TSNARE1: variants seen among roughly 807,000 people sequenced by gnomAD.
TSNARE1 encodes the protein t-SNARE domain containing 1.
In TSNARE1, 49 loss-of-function variants were observed where a neutral mutation model predicts 62.0. The ratio of observed to expected loss-of-function variants is 0.79; its 90% confidence interval spans 0.63 to 1.00. The LOEUF is 1.00. Ranked by LOEUF, TSNARE1 falls within the 50% of genes least tolerant of loss-of-function variation. TSNARE1 has a pLI of 0.00. For missense variants in TSNARE1, 755 were observed against 700.1 expected, an observed-to-expected ratio of 1.08 and a Z score of -0.88; for synonymous variants, 328 against 294.4, an observed-to-expected ratio of 1.11 and a Z score of -1.17.
chr8:142,219,717 G>T (rs1202491300), intron 13 of TSNARE1, among the ~76,000 whole-genome samples: 2 of 152,208 alleles, frequency 1.3e-5, no homozygotes, highest in African/African-American at 4.8e-5. Flanking sequence ...AGGCAGGACT[G>T]GATGCCCGGG....
chr8:142,283,304 G>T (rs569435516), intron 11 of TSNARE1, among the ~76,000 whole-genome samples: 2 of 151,888 alleles, frequency 1.3e-5, no homozygotes, highest in Non-Finnish European at 2.9e-5. Context: ...ATGAGCAGAG[G>T]CGGGGCCAGT....
chr8:142,241,474 T>C (rs1163969734), intron 12 of TSNARE1, among the ~76,000 whole-genome samples: 1 of 152,166 alleles, frequency 6.6e-6, no homozygotes, highest in Non-Finnish European at 1.5e-5. Flanking sequence ...CCTATCAAAA[T>C]TCCAACATTT....
chr8:142,286,766 C>T (rs962004093), intron 10 of TSNARE1, among the ~76,000 whole-genome samples: 5 of 152,270 alleles, frequency 3.3e-5, no homozygotes, highest in South Asian at 2.1e-4. Flanking sequence ...CAGTTATAGA[C>T]GTGATCCCGT....
At chr8:142,223,573 A>C (rs140767503) in intron 13 of TSNARE1, among the ~76,000 whole-genome samples, 142 of 1,388 alleles carry the variant, frequency 0.1, 28 homozygotes, top group Middle Eastern at 0.33. Context: ...CTCATTCACT[A>C]ACTCATCCAC....
At chr8:142,222,102 C>CCTTCACTCACTCATCCACTCCTT (rs1554623953) in intron 13 of TSNARE1, among the ~76,000 whole-genome samples, 6 of 124,518 alleles carry the variant, frequency 4.8e-5, no homozygotes, top group African/African-American at 1.6e-4. Flanking sequence ...CTCATCCACT[C>CCTTCACTCACTCATCCACTCCTT]CACTCACTCA....
intron 1 of TSNARE1, among the ~76,000 whole-genome samples, chr8:142,359,952 G>A (rs1039521120): frequency 1.3e-5 from 2 of 152,278 alleles, no homozygotes; most frequent in East Asian, 3.9e-4. Flanking sequence ...TGGCTCGCTC[G>A]GATGGGACTT....
At chr8:142,360,572 C>T (rs984949460) in intron 1 of TSNARE1, among the ~76,000 whole-genome samples, 1 of 152,172 alleles carries the variant, frequency 6.6e-6, no homozygotes, top group African/African-American at 2.4e-5. Context: ...CTTCCGTGCC[C>T]GCCGAGGCCA....
intron 1 of TSNARE1, among the ~76,000 whole-genome samples, chr8:142,378,882 CTGAG>C (rs1836526748): frequency 6.6e-6 from 1 of 152,190 alleles, no homozygotes; most frequent in Non-Finnish European, 1.5e-5. Context: ...ACGGCAGCCT[CTGAG>C]TGTGAGCTCC....
intron 1 of TSNARE1, among the ~76,000 whole-genome samples, chr8:142,401,702 G>A (rs1838306151): frequency 6.6e-6 from 1 of 152,124 alleles, no homozygotes; most frequent in Non-Finnish European, 1.5e-5. Context: ...AGCAGAGGAG[G>A]AGAGAAACAG....
intron 12 of TSNARE1, among the ~76,000 whole-genome samples, chr8:142,249,077 A>C (rs982052713): frequency 6.6e-6 from 1 of 152,222 alleles, no homozygotes; most frequent in African/African-American, 2.4e-5. Context: ...TGAGGCAGAC[A>C]CCGGGCCCCC....
chr8:142,305,622 C>G (rs968456628), intron 9 of TSNARE1, among the ~76,000 whole-genome samples: 1 of 152,140 alleles, frequency 6.6e-6, no homozygotes, highest in Non-Finnish European at 1.5e-5. Flanking sequence ...CTTAGACGCC[C>G]GGGTCCCTCC....
intron 4 of TSNARE1, among the ~76,000 whole-genome samples, chr8:142,332,233 G>C (rs1831157544): frequency 6.6e-6 from 1 of 152,250 alleles, no homozygotes. Context: ...TGCACCGGCA[G>C]CTCAGCATTG....
chr8:142,237,628 C>G (rs1011317344), intron 12 of TSNARE1, among the ~76,000 whole-genome samples: 1 of 152,186 alleles, frequency 6.6e-6, no homozygotes, highest in Non-Finnish European at 1.5e-5. Context: ...GGTCCGTGGC[C>G]GCATGCTGTG....
chr8:142,255,962 C>T (rs1168781056), intron 12 of TSNARE1, among the ~76,000 whole-genome samples: 1 of 111,244 alleles, frequency 9.0e-6, no homozygotes, highest in Non-Finnish European at 2.0e-5. Context: ...ACCATCACCA[C>T]CACCATCACC....
chr8:142,323,949 A>G (rs545142292), intron 6 of TSNARE1, among the ~76,000 whole-genome samples: 3 of 152,196 alleles, frequency 2.0e-5, no homozygotes, highest in East Asian at 3.9e-4. Context: ...TATGACCCCA[A>G]CACCAGCGAG....
At chr8:142,393,401 C>T (rs1439686380) in intron 1 of TSNARE1, among the ~76,000 whole-genome samples, 2 of 152,240 alleles carry the variant, frequency 1.3e-5, no homozygotes, top group Non-Finnish European at 2.9e-5. Flanking sequence ...TGAGTGATGA[C>T]GGAAACCTCT....
At chr8:142,292,105 C>T (rs1389260040) in intron 10 of TSNARE1, among the ~76,000 whole-genome samples, 3 of 152,060 alleles carry the variant, frequency 2.0e-5, no homozygotes, top group African/African-American at 7.2e-5. Flanking sequence ...GGAAACCAGG[C>T]CATGGGAGAG....
chr8:142,277,180 C>A (rs1020796072), intron 11 of TSNARE1: 22 of 985,266 alleles, frequency 2.2e-5, no homozygotes, highest in Non-Finnish European at 2.5e-5. Flanking sequence ...GGCACCTGCT[C>A]CTCCCAACAC....
At chr8:142,340,432 G>C (rs1232043786) in intron 4 of TSNARE1, among the ~76,000 whole-genome samples, 2 of 152,168 alleles carry the variant, frequency 1.3e-5, no homozygotes, top group African/African-American at 4.8e-5. Flanking sequence ...TGCCAGGGCT[G>C]GGGGAGCTGA....
Sources: allele counts gnomAD v4.1 joint callset (sites outside exome capture counted in the v4.1 genomes callset), GRCh38; gene constraint gnomAD v4.1.1; transcripts MANE v1.5; gene names NCBI Gene and HGNC (gene_info 2026-07-23, HGNC 2026-07-21).